Variants in KSR2 observed in about 807,000 individuals in gnomAD.
KSR2 encodes kinase suppressor of ras 2.
Under a neutral mutation model 107.8 loss-of-function variants are expected in KSR2, and 25 were observed. The observed-to-expected ratio is 0.23, with a 90% CI of 0.17 to 0.32. KSR2 has a LOEUF of 0.32. Among genes scored for constraint, KSR2 ranks in the 10% least tolerant of loss-of-function variants. The pLI is 1.00. For synonymous variants in KSR2, 480 were observed against 507.0 expected (o/e 0.95, Z 0.71); for missense variants, 887 against 1,268.9 (o/e 0.70, Z 4.57).
At chr12:117,672,410 G>C (rs1884948751) in intron 4 of KSR2, among the ~76,000 whole-genome samples, 1 of 152,088 alleles carries the variant, frequency 6.6e-6, no homozygotes, top group Non-Finnish European at 1.5e-5. Context: ...CTGGGCAATG[G>C]GGAGAATACT....
chr12:117,543,294 C>T (rs1191005364), intron 9 of KSR2, among the ~76,000 whole-genome samples: 1 of 152,174 alleles, frequency 6.6e-6, no homozygotes, highest in Non-Finnish European at 1.5e-5. Context: ...GGTATTGTCA[C>T]TGTTTGTTAT....
intron 14 of KSR2, among the ~76,000 whole-genome samples, chr12:117,506,792 G>T (rs1281218231): frequency 6.6e-6 from 1 of 152,032 alleles, no homozygotes; most frequent in African/African-American, 2.4e-5. Context: ...ATTGCCTGGA[G>T]ATATATATAT....
chr12:117,677,792 T>C (rs1454570091), intron 4 of KSR2, among the ~76,000 whole-genome samples: 3 of 152,220 alleles, frequency 2.0e-5, no homozygotes, highest in African/African-American at 7.2e-5. Flanking sequence ...TTACCAATGT[T>C]GTCTCCAAGG....
intron 5 of KSR2, among the ~76,000 whole-genome samples, chr12:117,649,156 A>G (rs561743783): frequency 6.6e-6 from 1 of 152,320 alleles, no homozygotes; most frequent in Admixed American, 6.5e-5. Context: ...TGATCTAACA[A>G]GAGCCAGACA....
intron 3 of KSR2, among the ~76,000 whole-genome samples, chr12:117,811,892 G>A (rs558228888): frequency 2.0e-5 from 3 of 152,294 alleles, no homozygotes; most frequent in Admixed American, 6.5e-5. Flanking sequence ...CAACTCCCAG[G>A]CAGCACTTAG....
At chr12:117,531,942 G>T (rs1384667449) in intron 10 of KSR2, among the ~76,000 whole-genome samples, 1 of 152,084 alleles carries the variant, frequency 6.6e-6, no homozygotes, top group Non-Finnish European at 1.5e-5. Flanking sequence ...AAATCAGACT[G>T]CTCCAACTCA....
chr12:117,759,188 GAA>G (rs1221504072), intron 4 of KSR2, among the ~76,000 whole-genome samples: 2 of 152,216 alleles, frequency 1.3e-5, no homozygotes, highest in African/African-American at 4.8e-5. Context: ...CAATGCTTCA[GAA>G]AAGAGATCAC....
At chr12:117,499,277 G>A (rs1000999448) in intron 14 of KSR2, among the ~76,000 whole-genome samples, 1 of 152,168 alleles carries the variant, frequency 6.6e-6, no homozygotes, top group African/African-American at 2.4e-5. Flanking sequence ...TAGCCCCCAC[G>A]GTGTTAGCAG....
At chr12:117,763,287 T>C (rs1444822140) in intron 3 of KSR2, among the ~76,000 whole-genome samples, 1 of 151,590 alleles carries the variant, frequency 6.6e-6, no homozygotes, top group East Asian at 1.9e-4. Flanking sequence ...ATCCAGTCTA[T>C]CATTGTTGGA....
chr12:117,814,314 T>C (rs904250307), intron 3 of KSR2, among the ~76,000 whole-genome samples: 6 of 152,156 alleles, frequency 3.9e-5, no homozygotes, highest in Non-Finnish European at 5.9e-5. Context: ...ATGAATATGG[T>C]AATTACCCTA....
At chr12:117,794,258 TACACCAACATGCACA>T (rs1890487994) in intron 3 of KSR2, among the ~76,000 whole-genome samples, 1 of 17,970 alleles carries the variant, frequency 5.6e-5, no homozygotes, top group Non-Finnish European at 9.1e-5. Context: ...CATGCACACA[TACACCAACATGCACA>T]CACACCAACA....
intron 4 of KSR2, among the ~76,000 whole-genome samples, chr12:117,699,131 C>T (rs1283100509): frequency 4.6e-5 from 7 of 152,174 alleles, no homozygotes; most frequent in Admixed American, 4.6e-4. Context: ...TGTCTATCTC[C>T]CCTCATCAAG....
intron 4 of KSR2, among the ~76,000 whole-genome samples, chr12:117,686,215 A>ATTTTT (rs55772468): frequency 0.01 from 814 of 78,010 alleles, 88 homozygotes; most frequent in African/African-American, 0.033. Context: ...CACCCAGCTA[A>ATTTTT]TTTTTTTTTT....
chr12:117,706,134 C>T (rs1203643495), intron 4 of KSR2, among the ~76,000 whole-genome samples: 5 of 151,240 alleles, frequency 3.3e-5, no homozygotes, highest in African/African-American at 1.2e-4. Context: ...ATCTCTGCCC[C>T]GCGGGTTCAA....
intron 14 of KSR2, among the ~76,000 whole-genome samples, chr12:117,520,308 C>T (rs1945817425): frequency 2.0e-5 from 3 of 152,206 alleles, no homozygotes; most frequent in African/African-American, 7.2e-5. Flanking sequence ...AAGCGAAGCA[C>T]TTGCTGAAAG....
chr12:117,634,790 G>A (rs1882983747), intron 5 of KSR2, among the ~76,000 whole-genome samples: 1 of 152,162 alleles, frequency 6.6e-6, no homozygotes, highest in African/African-American at 2.4e-5. Context: ...TCTTGGTTGG[G>A]AGAATGTAAA....
chr12:117,961,228 T>C (rs1166559964), intron 1 of KSR2, among the ~76,000 whole-genome samples: 1 of 152,160 alleles, frequency 6.6e-6, no homozygotes, highest in Non-Finnish European at 1.5e-5. Context: ...GAAATAAGGC[T>C]TTGTCTTCTC....
chr12:117,580,511 TC>T (rs1364822076), intron 6 of KSR2, among the ~76,000 whole-genome samples: 2 of 152,202 alleles, frequency 1.3e-5, no homozygotes, highest in Non-Finnish European at 2.9e-5. Context: ...TGGGATCAGC[TC>T]TGCCTCTTCC....
At chr12:117,892,232 A>AG (rs1246504726) in intron 1 of KSR2, among the ~76,000 whole-genome samples, 1 of 152,112 alleles carries the variant, frequency 6.6e-6, no homozygotes, top group Admixed American at 6.6e-5. Context: ...TGAACCCGGG[A>AG]GGCAGAGGTT....
Sources: allele counts gnomAD v4.1 joint callset (sites outside exome capture counted in the v4.1 genomes callset), GRCh38; gene constraint gnomAD v4.1.1; transcripts MANE v1.5; gene names NCBI Gene and HGNC (gene_info 2026-07-23, HGNC 2026-07-21).